Variants in LHX3 observed in about 807,000 individuals in gnomAD.
The protein encoded by LHX3 is LIM homeobox 3.
In LHX3, 21 loss-of-function variants were observed where a neutral mutation model predicts 32.4. The ratio of observed to expected loss-of-function variants is 0.65; its 90% confidence interval spans 0.46 to 0.93. The LOEUF (loss-of-function observed/expected upper bound fraction) is 0.93. Among genes scored for constraint, LHX3 ranks in the 40% least tolerant of loss-of-function variants. The pLI is 0.00. For synonymous variants in LHX3, 258 were observed against 246.8 expected (o/e 1.05, Z -0.43); for missense variants, 626 against 560.0 (o/e 1.12, Z -1.19).
rs1240156183 is a variant in LHX3, at chr9:136,197,658, C to T, written c.861G>A (p.Ser287=). 8 of 1,599,916 alleles carry T rather than the reference C, an allele frequency of 5.0e-6. No individual in the cohort carries two copies. Among genetic ancestry groups the T allele is most frequent in the Middle Eastern group, 1.7e-4 (1 of 5,994 alleles). Residue 287 remains serine (S), a synonymous_variant, in exon 6 of 6, where the codon TCG becomes TCA. Coordinates refer to ENST00000371748, the MANE Select transcript of LHX3 (RefSeq NM_178138.6). ...GEPTQALGRP[S]GALGNFSLEH... ...CCAGGGAGAAGTTGCCCAGGGCTCC[C>T]GAGGGCCGGCCCAAGGCCTGGGTGG... is the stretch of plus-strand genomic sequence containing the variant.
chr9:136,197,189 C>G lies in LHX3; in HGVS notation c.*136G>C. On this transcript the variant is annotated 3_prime_UTR_variant, in exon 6 of 6. Transcript: ENST00000371748. Reference sequence around the variant, plus strand: ...GCCCCCAGAGAGGGAGCTGTGCGGTCGGCAGTGGGAGGCTCCGAAGGCACC... The same window carrying G: ...GCCCCCAGAGAGGGAGCTGTGCGGTGGGCAGTGGGAGGCTCCGAAGGCACC... 6 of 901,194 alleles carry G rather than the reference C, an allele frequency of 6.7e-6. No homozygotes were observed. The South Asian group carries it at 9.2e-5, about 14-fold the overall frequency. 55.8% of individuals were successfully genotyped at this position (901,194 alleles called of 1,614,324 possible). A position where few individuals can be genotyped will look rare whatever the true frequency, so the allele number is the denominator to read the frequency against.
At chr9:136,200,549 G>A (rs767661163) in intron 2 of LHX3, 33 bp downstream of exon 2, 40 of 1,608,566 alleles carry the variant, frequency 2.5e-5, no homozygotes, top group Middle Eastern at 1.6e-4. Context: ...CGTGCCCTCC[G>A]CTCCCACACT....
At chr9:136,197,917 A>G (rs1326139133) in intron 5 of LHX3, among the ~76,000 whole-genome samples, 174 bp from the exon 6 acceptor site, 1 of 151,948 alleles carries the variant, frequency 6.6e-6, no homozygotes, top group Non-Finnish European at 1.5e-5. Flanking sequence ...CTGCCCCTCC[A>G]CTGCCCTCAC....
rs781335546 is a variant in LHX3 at position 136,204,965 on chromosome 9, G to A, written c.48C>T (p.Ala16=). The A allele has an allele frequency of 1.9e-6, 3 of 1,598,894 alleles. No homozygotes were observed. Among genetic ancestry groups the A allele is most frequent in the South Asian group, 1.1e-5 (1 of 89,520 alleles). ...GLERDRARPG[A]AAVCTLGGTR... ...TCCCGCCCAAGGTGCAGACGGCGGC[G>A]GCCCCGGGCCTCGCTCGGTCGCGCT... The change falls in exon 1 of 6, where the codon GCC becomes GCT. Residue 16 remains alanine (A), a synonymous_variant. Coordinates refer to ENST00000371748, the MANE Select transcript of LHX3 (RefSeq NM_178138.6).
chr9:136,200,200 G>C (rs1366319445), intron 2 of LHX3: 1 of 562,210 alleles, frequency 1.8e-6, no homozygotes, highest in Non-Finnish European at 3.2e-6. Context: ...AGCCATGAAG[G>C]CCACTGGGCC....
In LHX3 at chr9:136,204,940, T is replaced by C; in HGVS notation, c.73A>G (p.Thr25Ala). ...GTGTCCTGCTGGGGCTTACCCCGAG[T>C]CCCGCCCAAGGTGCAGACGGCGGCG... ...GAAAVCTLGGTREIPLCAGCD... is the reference protein window; with the variant it reads ...GAAAVCTLGGAREIPLCAGCD... Residue 25 changes from threonine (T) to alanine (A), a missense_variant, in exon 1 of 6, where the codon ACT (threonine) becomes GCT (alanine). Transcript: ENST00000371748. 1 of 1,600,248 alleles carries C rather than the reference T, an allele frequency of 6.2e-7. No homozygotes were observed.
intron 1 of LHX3, chr9:136,202,874 C>T: frequency 1.3e-6 from 2 of 1,493,146 alleles, no homozygotes; most frequent in Non-Finnish European, 1.8e-6. Context: ...CTGCCAGCCT[C>T]CGCGGCCAGG....
chr9:136,201,232 C>G, intron 1 of LHX3: 3 of 1,274,924 alleles, frequency 2.4e-6, no homozygotes, highest in Non-Finnish European at 3.0e-6. Context: ...CTAGGGACTC[C>G]TCGCAAATGT....
chr9:136,203,213 CG>C (rs1831688520), intron 1 of LHX3: 6 of 927,624 alleles, frequency 6.5e-6, no homozygotes, highest in South Asian at 5.1e-5. Context: ...GCGGAGCGGC[CG>C]GGGGGCGGGG....
chr9:136,201,483 GGT>G, intron 1 of LHX3: 2 of 1,202,010 alleles, frequency 1.7e-6, no homozygotes, highest in Non-Finnish European at 2.1e-6. Flanking sequence ...ACACTGGGGA[GGT>G]CCAAGGGTGC....
rs753160072 is a variant in LHX3 at position 136,204,937 on chromosome 9, G to A, written c.76C>T (p.Arg26Trp). 6.3e-7 allele frequency: 1 copy of A among 1,598,890 alleles called. No homozygotes were observed. The highest frequency in any genetic ancestry group is 1.1e-5 in the South Asian group (1 of 89,062). ...AAAVCTLGGT[R>W]EIPLCAGCDQ... ...TCAGTGTCCTGCTGGGGCTTACCCC[G>A]AGTCCCGCCCAAGGTGCAGACGGCG... Residue 26 changes from arginine to tryptophan, a missense_variant, in exon 1 of 6, where the codon CGG (arginine) becomes TGG (tryptophan). Transcript: ENST00000371748.
At position 136,198,689 on chromosome 9, in the gene LHX3, C is replaced by T. The variant is rs2131032255; in HGVS notation, c.738G>A (p.Gln246=). The change falls in exon 5 of 6, where the codon CAG becomes CAA. Residue 246 remains glutamine, a synonymous_variant. Coordinates refer to ENST00000371748, the MANE Select transcript of LHX3 (RefSeq NM_178138.6). ...CCTCAGCGTCGCTGTCCTGCCCCTC[C>T]TGAACGCTGTCCTTGTCCGACTTGG... is the stretch of plus-strand genomic sequence containing the variant. ...GGSKSDKDSV[Q]EGQDSDAEVS... is the part of the protein sequence containing the mutation. 6.2e-7 allele frequency: 1 copy of T among 1,610,490 alleles called. No individual in the cohort carries two copies. The highest frequency in any genetic ancestry group is 1.7e-4 in the Middle Eastern group (1 of 6,038).
At chr9:136,202,421 A>C (rs965285917) in intron 1 of LHX3, among the ~76,000 whole-genome samples, 1 of 152,136 alleles carries the variant, frequency 6.6e-6, no homozygotes, top group Non-Finnish European at 1.5e-5. Flanking sequence ...GGCCTGGAGA[A>C]GAGAGGCTTT....
At chr9:136,198,523 C>T in intron 5 of LHX3, 129 bp downstream of exon 5, 1 of 1,111,190 alleles carries the variant, frequency 9.0e-7, no homozygotes, top group Non-Finnish European at 1.3e-6. Context: ...AAGTGAAATG[C>T]TTTTGAAAGT....
chr9:136,197,197 G>A lies in LHX3; in HGVS notation c.*128C>T. ...AGAGGGAGCTGTGCGGTCGGCAGTGGGAGGCTCCGAAGGCACCAGCCCTCC... is the reference window on the plus strand; with the variant it reads ...AGAGGGAGCTGTGCGGTCGGCAGTGAGAGGCTCCGAAGGCACCAGCCCTCC... On this transcript the variant is annotated 3_prime_UTR_variant, in exon 6 of 6. Transcript: ENST00000371748. 1 of 993,894 alleles carries A rather than the reference G, an allele frequency of 1.0e-6. No homozygotes were observed. Among genetic ancestry groups the A allele is most frequent in the East Asian group, 2.6e-5 (1 of 38,444 alleles). The allele number at this position is 993,894 out of a possible 1,614,324, so 61.6% of individuals were successfully genotyped here.
At position 136,200,905 on chromosome 9, in the gene LHX3, A is replaced by G. The variant is rs540512720; in HGVS notation, c.80-152T>C. The G allele has an allele frequency of 4.6e-5, 46 of 1,003,620 alleles. No individual in the cohort carries two copies. The East Asian group carries it at 6.2e-4, about 14-fold the overall frequency. 62.2% of individuals were successfully genotyped at this position (1,003,620 alleles called of 1,614,324 possible). ...TCCCTACACACCCTCTTCCCCAGCC[A>G]GCTTAAGTGGCCCCGCAAGTTCCGG... On this transcript the variant is annotated intron_variant, in intron 1 of 5. Coordinates refer to ENST00000371748, the MANE Select transcript of LHX3 (RefSeq NM_178138.6).
At chr9:136,199,109 G>A (rs763535800) in intron 3 of LHX3, 50 bp from the exon 4 acceptor site, 5 of 1,200,374 alleles carry the variant, frequency 4.2e-6, no homozygotes, top group Admixed American at 4.2e-5. Context: ...GGCCCCGGCC[G>A]GACCCCCAGC....
chr9:136,197,346 C>G lies in LHX3; in HGVS notation c.1173G>C (p.Glu391Asp). 6.2e-7 allele frequency: 1 copy of G among 1,612,090 alleles called. No homozygotes were observed. The highest frequency in any genetic ancestry group is 8.5e-7 in the Non-Finnish European group (1 of 1,179,910). ...FPASPASWLD[E>D]VDHAQF is the part of the protein sequence containing the mutation. ...TGGGTCAGAACTGAGCGTGGTCTACCTCATCCAGCCAGGAGGCGGGGCTGG... is the reference window on the plus strand; with the variant it reads ...TGGGTCAGAACTGAGCGTGGTCTACGTCATCCAGCCAGGAGGCGGGGCTGG... The change falls in exon 6 of 6, where the codon GAG becomes GAC. Residue 391 changes from glutamate to aspartate, a missense_variant. Coordinates refer to ENST00000371748, the MANE Select transcript of LHX3 (RefSeq NM_178138.6).
intron 2 of LHX3, 39 bp from the exon 3 acceptor site, chr9:136,199,919 G>T: frequency 6.5e-7 from 1 of 1,545,966 alleles, no homozygotes. Context: ...GCGGAAGCGC[G>T]AGGCTCATTT....
Sources: gnomAD v4.1 joint callset for allele counts (sites outside exome capture counted in the v4.1 genomes callset) on GRCh38, gnomAD v4.1.1 for gene constraint, MANE v1.5 for transcripts, NCBI Gene and HGNC (gene_info 2026-07-23, HGNC 2026-07-21) for gene names.